The following SLC24A2 variants were observed in gnomAD, a reference collection of about 807,000 sequenced individuals.
SLC24A2 encodes sodium/potassium/calcium exchanger 2.
SLC24A2 carries 36 observed loss-of-function variants against 62.0 expected under a neutral mutation model. The observed-to-expected ratio is 0.58, with a 90% CI of 0.44 to 0.77. SLC24A2 has a LOEUF of 0.77. Ranked by LOEUF, SLC24A2 falls within the 30% of genes least tolerant of loss-of-function variation. SLC24A2 has a pLI of 0.00. For missense variants in SLC24A2, 846 were observed against 817.9 expected (o/e 1.03, Z -0.42); for synonymous variants, 358 against 294.0 (o/e 1.22, Z -2.23).
the SLC24A2 span, among the ~76,000 whole-genome samples, chr9:19,874,713 A>G: frequency 6.6e-6 from 1 of 151,964 alleles, no homozygotes; most frequent in Admixed American, 6.6e-5. Context: ...AATTTACACT[A>G]CATCATTTCA....
chr9:19,826,412 G>A, the SLC24A2 span, among the ~76,000 whole-genome samples: 4 of 152,102 alleles, frequency 2.6e-5, no homozygotes, highest in Non-Finnish European at 5.9e-5. Flanking sequence ...GTATTTGTGA[G>A]AGAATAGAGA....
chr9:20,164,697 T>C, the SLC24A2 span, among the ~76,000 whole-genome samples: 10 of 151,846 alleles, frequency 6.6e-5, no homozygotes, highest in African/African-American at 1.7e-4. Flanking sequence ...ATGTTTATTG[T>C]GGCACTATTC....
the SLC24A2 span, among the ~76,000 whole-genome samples, chr9:20,041,921 G>A: frequency 3.9e-5 from 6 of 152,234 alleles, no homozygotes; most frequent in Non-Finnish European, 7.3e-5. Flanking sequence ...GCTTGCTGCC[G>A]AGAGCCCCCC....
At chr9:20,130,088 C>T in the SLC24A2 span, among the ~76,000 whole-genome samples, 1 of 152,088 alleles carries the variant, frequency 6.6e-6, no homozygotes, top group South Asian at 2.1e-4. Flanking sequence ...ACACCTTTGT[C>T]ATCTTTATGG....
chr9:19,835,968 G>A, the SLC24A2 span, among the ~76,000 whole-genome samples: 1 of 152,204 alleles, frequency 6.6e-6, no homozygotes, highest in African/African-American at 2.4e-5. Context: ...ACCTGCTCCT[G>A]AATGACTACT....
chr9:20,063,498 G>A, the SLC24A2 span, among the ~76,000 whole-genome samples: 1 of 118,232 alleles, frequency 8.5e-6, no homozygotes, highest in African/African-American at 3.2e-5. Context: ...GTTGTGGGGT[G>A]GGGGGAGGGG....
chr9:19,903,337 G>A, the SLC24A2 span, among the ~76,000 whole-genome samples: 1 of 152,180 alleles, frequency 6.6e-6, no homozygotes, highest in African/African-American at 2.4e-5. Context: ...GAGAGAGAGA[G>A]TGAGTGAGCT....
the SLC24A2 span, among the ~76,000 whole-genome samples, chr9:19,895,160 C>T: frequency 6.6e-6 from 1 of 152,046 alleles, no homozygotes; most frequent in Non-Finnish European, 1.5e-5. Context: ...CACTAAATGA[C>T]TTCATCAAGC....
chr9:20,033,284 C>T, the SLC24A2 span, among the ~76,000 whole-genome samples: 1 of 152,182 alleles, frequency 6.6e-6, no homozygotes, highest in African/African-American at 2.4e-5. Context: ...AGCTTCTCCA[C>T]TTAATTGCTG....
intron 2 of SLC24A2, among the ~76,000 whole-genome samples, chr9:19,775,465 T>A (rs1822817811): frequency 1.3e-5 from 2 of 152,180 alleles, no homozygotes; most frequent in African/African-American, 4.8e-5. Context: ...AGTGTTGGCC[T>A]CAGGATTCTA....
chr9:19,781,922 T>A (rs1823031240), intron 2 of SLC24A2, among the ~76,000 whole-genome samples: 1 of 152,234 alleles, frequency 6.6e-6, no homozygotes, highest in Admixed American at 6.5e-5. Context: ...TATAATAATT[T>A]TGTTTTAATC....
the SLC24A2 span, among the ~76,000 whole-genome samples, chr9:20,028,593 A>C: frequency 6.6e-6 from 1 of 151,836 alleles, no homozygotes; most frequent in Non-Finnish European, 1.5e-5. Context: ...CCCTGCCCTC[A>C]CTTCTTCCGC....
At chr9:19,973,174 A>G in the SLC24A2 span, among the ~76,000 whole-genome samples, 1 of 152,190 alleles carries the variant, frequency 6.6e-6, no homozygotes, top group Non-Finnish European at 1.5e-5. Context: ...CCCCATTTCT[A>G]AAAACAAACA....
chr9:19,636,286 C>CTTCTTTTTTTTCTT (rs1818314728), intron 2 of SLC24A2, among the ~76,000 whole-genome samples: 1 of 88,086 alleles, frequency 1.1e-5, no homozygotes, highest in African/African-American at 4.9e-5. Flanking sequence ...CTCTTCTTCT[C>CTTCTTTTTTTTCTT]TTCTTTTCTT....
At chr9:19,881,774 A>C in the SLC24A2 span, among the ~76,000 whole-genome samples, 1 of 152,212 alleles carries the variant, frequency 6.6e-6, no homozygotes, top group African/African-American at 2.4e-5. Flanking sequence ...TCTTATTACA[A>C]GCTAAGTCAA....
At chr9:19,683,046 A>T (rs1403466356) in intron 2 of SLC24A2, among the ~76,000 whole-genome samples, 1 of 152,162 alleles carries the variant, frequency 6.6e-6, no homozygotes, top group East Asian at 1.9e-4. Context: ...TCAGCTACAC[A>T]AATTTCATTC....
At chr9:20,105,237 A>G in the SLC24A2 span, among the ~76,000 whole-genome samples, 36 of 152,312 alleles carry the variant, frequency 2.4e-4, no homozygotes, top group East Asian at 3.9e-3. Context: ...AGACTCCCAC[A>G]CAATAATAAT....
intron 7 of SLC24A2, among the ~76,000 whole-genome samples, chr9:19,571,538 C>T (rs1228010614): frequency 6.6e-6 from 1 of 152,114 alleles, no homozygotes; most frequent in African/African-American, 2.4e-5. Context: ...GGTAGTGCTA[C>T]TCCAAGTATG....
chr9:19,858,198 C>CCA, the SLC24A2 span, among the ~76,000 whole-genome samples: 6 of 151,858 alleles, frequency 4.0e-5, no homozygotes, highest in South Asian at 2.1e-4. Context: ...AGAAATAATG[C>CCA]CACACACACA....
Sources: gnomAD v4.1 joint callset for allele counts (sites outside exome capture counted in the v4.1 genomes callset) on GRCh38, gnomAD v4.1.1 for gene constraint, MANE v1.5 for transcripts, NCBI Gene and HGNC (gene_info 2026-07-23, HGNC 2026-07-21) for gene names.